The following RAI1 variants were observed in gnomAD, a reference collection of about 807,000 sequenced individuals.
The protein encoded by RAI1 is retinoic acid induced 1.
RAI1 carries 9 observed loss-of-function variants against 123.8 expected under a neutral mutation model. The ratio of observed to expected loss-of-function variants is 0.07; its 90% CI spans 0.04 to 0.13. The LOEUF is 0.13. Ranked by LOEUF, RAI1 falls within the 10% of genes least tolerant of loss-of-function variation. RAI1 has a pLI of 1.00. For missense variants in RAI1, 2,256 were observed against 2,545.8 expected, an observed-to-expected ratio of 0.89 and a Z score of 2.45; for synonymous variants, 1,231 against 1,127.3, an observed-to-expected ratio of 1.09 and a Z score of -1.84.
At chr17:17,806,216 G>C (rs1351882842) in intron 4 of RAI1, among the ~76,000 whole-genome samples, 1 of 152,242 alleles carries the variant, frequency 6.6e-6, no homozygotes, top group African/African-American at 2.4e-5. Flanking sequence ...TGACATTTAA[G>C]CCAGGCCTCA....
chr17:17,797,902 C>T lies in RAI1; in HGVS notation c.4954C>T (p.Leu1652Phe), dbSNP rs2032323637. 1 of 1,613,992 alleles carries T rather than the reference C, an allele frequency of 6.2e-7. No individual in the cohort carries two copies. The highest frequency in any genetic ancestry group is 8.5e-7 in the Non-Finnish European group (1 of 1,180,018). Reference protein sequence around the residue: ...LDAAGASLATLPGGSILQPRP... With the variant: ...LDAAGASLATFPGGSILQPRP... ...TGCAGCCGGGGCCTCCCTGGCCACACTCCCTGGAGGCTCCATCCTGCAGCC... is the reference window on the plus strand; with the variant it reads ...TGCAGCCGGGGCCTCCCTGGCCACATTCCCTGGAGGCTCCATCCTGCAGCC... Residue 1652 changes from leucine (L) to phenylalanine (F), a missense_variant, in exon 3 of 6, where the codon CTC becomes TTC. This residue lies in a region of RAI1 where 410 missense variants were observed against 374.6 expected (regional missense o/e 1.09). Coordinates refer to ENST00000353383, the MANE Select transcript of RAI1 (RefSeq NM_030665.4).
At chr17:17,770,903 C>G (rs1188113280) in intron 2 of RAI1, 1 of 152,396 alleles carries the variant, frequency 6.6e-6, no homozygotes, top group Non-Finnish European at 1.5e-5. Flanking sequence ...CATGTGCCCT[C>G]CCTCTGCCCG....
chr17:17,775,785 C>T (rs185239145), intron 2 of RAI1, among the ~76,000 whole-genome samples: 371 of 152,168 alleles, frequency 2.4e-3, no homozygotes, highest in Admixed American at 4.2e-3. Context: ...CAGGCACACT[C>T]GGTGTAACCT....
At chr17:17,753,140 T>C (rs1052817246) in intron 2 of RAI1, among the ~76,000 whole-genome samples, 3 of 152,186 alleles carry the variant, frequency 2.0e-5, no homozygotes, top group Admixed American at 2.0e-4. Context: ...TGGTTTGGTG[T>C]GTGCCCTTGG....
intron 4 of RAI1, chr17:17,804,057 C>T (rs1486338810): frequency 1.5e-6 from 1 of 678,850 alleles, no homozygotes; most frequent in African/African-American, 1.8e-5. Context: ...TCCCCAGGCA[C>T]CTGCTTGAGG....
chr17:17,782,153 CCCGCGCAGGGGCGGGGG>C (rs1206986865), intron 2 of RAI1: 2 of 151,436 alleles, frequency 1.3e-5, no homozygotes, highest in African/African-American at 4.8e-5. Flanking sequence ...CCGTGCGATG[CCCGCGCAGGGGCGGGGG>C]CCGCGGGCCA....
intron 2 of RAI1, among the ~76,000 whole-genome samples, chr17:17,730,011 G>A (rs1916216961): frequency 6.6e-6 from 1 of 152,184 alleles, no homozygotes; most frequent in African/African-American, 2.4e-5. Flanking sequence ...CATCAGAGGG[G>A]CGGGCAGAAC....
rs747395327 is a variant in RAI1, at chr17:17,798,172, G to A, written c.5224G>A (p.Gly1742Ser). The A allele has an allele frequency of 5.0e-6, 8 of 1,612,882 alleles. No individual in the cohort carries two copies. The Admixed American group carries it at 6.7e-5, about 13-fold the overall frequency. ...GCTGCCGCTTGAGAGAACACTCAAAGGTCCCGAGTGTGCAGCTGCCGCCAC... is the reference window on the plus strand; with the variant it reads ...GCTGCCGCTTGAGAGAACACTCAAAAGTCCCGAGTGTGCAGCTGCCGCCAC... ...ASLPLERTLK[G>S]PECAAAATAG... The change falls in exon 3 of 6, where the codon GGT becomes AGT. Residue 1742 changes from glycine (G) to serine (S), a missense_variant. Around this residue, in one of 7 missense-constraint regions of RAI1, gnomAD observed 243 missense variants for 316.6 expected, o/e 0.77. Transcript: ENST00000353383.
At chr17:17,776,365 T>C (rs1455544004) in intron 2 of RAI1, among the ~76,000 whole-genome samples, 1 of 152,212 alleles carries the variant, frequency 6.6e-6, no homozygotes, top group Non-Finnish European at 1.5e-5. Flanking sequence ...TTTATACAAA[T>C]GTTTTGTACA....
intron 1 of RAI1, among the ~76,000 whole-genome samples, chr17:17,689,245 G>A (rs147910362): frequency 5.9e-5 from 9 of 152,288 alleles, no homozygotes; most frequent in African/African-American, 2.2e-4. Context: ...GGCGTGAGGT[G>A]AGCCACCACG....
rs1475737359 is a variant in RAI1, at chr17:17,809,646, G to A, written c.5709+207G>A. 6.6e-6 allele frequency among the ~76,000 whole-genome samples: 1 copy of A among 152,058 alleles called. No individual in the cohort carries two copies. Among genetic ancestry groups the A allele is most frequent in the Non-Finnish European group, 1.5e-5 (1 of 67,978 alleles). On this transcript the variant is annotated intron_variant, in intron 5 of 5. Transcript: ENST00000353383. This position sits in a 1 kb window ranked among gnomAD's most constrained non-coding sequence, Gnocchi z 4.9. ...TGTCCACTTGCGCGCCGCCGCCGCC[G>A]AAAACCCGCAGGCGTCGGGGCATGG... is the stretch of plus-strand genomic sequence containing the variant.
intron 2 of RAI1, among the ~76,000 whole-genome samples, chr17:17,779,771 C>CTT (rs35262127): frequency 1.9e-4 from 20 of 107,938 alleles, no homozygotes; most frequent in African/African-American, 6.8e-4. Context: ...CCTCCCCACC[C>CTT]TTTTTTTTTT....
At chr17:17,700,442 C>T (rs1915181287) in intron 1 of RAI1, among the ~76,000 whole-genome samples, 1 of 151,836 alleles carries the variant, frequency 6.6e-6, no homozygotes, top group African/African-American at 2.4e-5. Flanking sequence ...GCGCGCAGCC[C>T]CTGCGGGGGT....
chr17:17,690,502 T>G (rs752912113), intron 1 of RAI1, among the ~76,000 whole-genome samples: 2 of 151,974 alleles, frequency 1.3e-5, no homozygotes, highest in Non-Finnish European at 2.9e-5. Flanking sequence ...TGTGTGTCTT[T>G]AGGCAGGTTC....
Position 17,747,797 on chromosome 17 carries a change from G to A in RAI1, c.-17+23638G>A, listed in dbSNP as rs77814568. 8.3e-4 allele frequency among the ~76,000 whole-genome samples: 126 copies of A among 152,322 alleles called. 5 individuals are homozygous for A. The East Asian group carries it at 0.024, about 29-fold the overall frequency. On this transcript the variant is annotated intron_variant, in intron 2 of 5. Transcript: ENST00000353383. ...AGGGCCAGTCTGGCTGGGCACAGTG[G>A]TGCATGTCTATAATCCCAGTGCTTT...
Position 17,793,044 on chromosome 17 carries a change from G to A in RAI1, c.96G>A (p.Gln32=), listed in dbSNP as rs763628165. 3.4e-5 allele frequency: 55 copies of A among 1,614,056 alleles called. No homozygotes were observed. In the Middle Eastern group the frequency reaches 4.9e-4, roughly 14 times the overall value. ...QETSRLENYR[Q]PSQAGLSCDR... Reference sequence around the variant, plus strand: ...CATCACGCCTAGAGAATTACAGGCAGCCGAGTCAGGCCGGGCTAAGCTGCG... The same window carrying A: ...CATCACGCCTAGAGAATTACAGGCAACCGAGTCAGGCCGGGCTAAGCTGCG... Residue 32 remains glutamine (Q), a synonymous_variant, in exon 3 of 6, where the codon CAG becomes CAA. Transcript: ENST00000353383.
At chr17:17,752,803 C>T (rs2030262353) in intron 2 of RAI1, among the ~76,000 whole-genome samples, 1 of 152,230 alleles carries the variant, frequency 6.6e-6, no homozygotes, top group African/African-American at 2.4e-5. Flanking sequence ...AGGAGGCTCT[C>T]CACACAGACC....
chr17:17,793,178 A>G lies in RAI1; in HGVS notation c.230A>G (p.Lys77Arg), dbSNP rs1053849831. ...SGTAAAVAADKYHRGSKALPT... is the reference protein window; with the variant it reads ...SGTAAAVAADRYHRGSKALPT... ...ACTGCAGCCGCGGTGGCCGCCGACA[A>G]GTACCACCGAGGCAGCAAGGCCCTG... Residue 77 changes from lysine to arginine, a missense_variant, in exon 3 of 6, where the codon AAG (lysine) becomes AGG (arginine). Physicochemically the swap from Lys to Arg is conservative, Grantham distance 26 (BLOSUM62 2). Around this residue, in one of 7 missense-constraint regions of RAI1, gnomAD observed 336 missense variants for 349.8 expected, o/e 0.96. Transcript: ENST00000353383. 1.6e-5 allele frequency: 26 copies of G among 1,613,094 alleles called. No individual in the cohort carries two copies. The highest frequency in any genetic ancestry group is 2.2e-5 in the Non-Finnish European group (26 of 1,179,834).
At chr17:17,715,893 T>C (rs1452325594) in intron 1 of RAI1, among the ~76,000 whole-genome samples, 1 of 152,222 alleles carries the variant, frequency 6.6e-6, no homozygotes, top group African/African-American at 2.4e-5. Context: ...CCTCCTGTTG[T>C]CCGTTCCGTG....
Sources: gnomAD v4.1 joint callset for allele counts (sites outside exome capture counted in the v4.1 genomes callset) on GRCh38, gnomAD v4.1.1 for gene constraint, gnomAD v4.1.1 regional missense constraint, Gnocchi (gnomAD v3.1) non-coding constraint, MANE v1.5 for transcripts, NCBI Gene and HGNC (gene_info 2026-07-23, HGNC 2026-07-21) for gene names.